Variants in OR10K1 observed in about 807,000 individuals in gnomAD.
OR10K1 encodes the protein olfactory receptor family 10 subfamily K member 1, also known as olfactory receptor 10K1.
For missense variants in OR10K1, 404 were observed against 373.3 expected (o/e 1.08, Z -0.68); for synonymous variants, 186 against 152.5 (o/e 1.22, Z -1.62).
chr1:158,465,495 T>A lies in OR10K1; in HGVS notation c.-67T>A. 1 of 1,266,364 alleles carries A rather than the reference T, an allele frequency of 7.9e-7. No homozygotes were observed. Among genetic ancestry groups the A allele is most frequent in the Non-Finnish European group, 1.1e-6 (1 of 900,022 alleles). The allele number at this position is 1,266,364 out of a possible 1,614,324, so 78.4% of individuals were successfully genotyped here. A position where few individuals can be genotyped will look rare whatever the true frequency, so the allele number is the denominator to read the frequency against. ...CTTTGTGTGAAATTTCCCGTACATT[T>A]CCACTCTCCTTTCTGGATCCTGGTT... is the stretch of plus-strand genomic sequence containing the variant. On this transcript the variant is annotated 5_prime_UTR_variant, in exon 2 of 2. Transcript: ENST00000641535.
rs1293047738 is a variant in OR10K1, at chr1:158,466,369, C to A, written c.808C>A (p.Gln270Lys). 6.2e-7 allele frequency: 1 copy of A among 1,613,724 alleles called. No individual in the cohort carries two copies. Among genetic ancestry groups the A allele is most frequent in the Non-Finnish European group, 8.5e-7 (1 of 1,179,764 alleles). The change falls in exon 2 of 2, where the codon CAA (glutamine) becomes AAA (lysine). Residue 270 changes from glutamine (Q) to lysine (K), a missense_variant. Gln to Lys is a moderately conservative substitution (Grantham distance 53). Transcript: ENST00000641535. ...LRPKTNYTSS[Q>K]DTLISVSYTI... is the part of the protein sequence containing the mutation. ...GCCCAAGACTAATTACACTTCAAGC[C>A]AAGACACCCTAATATCTGTGTCATA...
rs1421096064 is a variant in OR10K1 at position 158,465,684 on chromosome 1, C to A, written c.123C>A (p.Thr41=). ...TCCTCTACCTGTTCACTCTGGGCAC[C>A]AATGCAATCATCATTTCCACCATTG... ...FLLLYLFTLG[T]NAIIISTIVL... is the part of the protein sequence containing the mutation. The change falls in exon 2 of 2, where the codon ACC becomes ACA. Residue 41 remains threonine (T), a synonymous_variant. Coordinates refer to ENST00000641535, the MANE Select transcript of OR10K1 (RefSeq NM_001004473.2). The A allele has an allele frequency of 1.2e-5, 20 of 1,614,020 alleles. No homozygotes were observed. Among genetic ancestry groups the A allele is most frequent in the African/African-American group, 1.1e-4 (8 of 74,916 alleles).
Position 158,467,418 on chromosome 1 carries a change from T to C in OR10K1, c.*915T>C, listed in dbSNP as rs1437585503. 1 of 152,204 alleles carries C rather than the reference T, an allele frequency of 6.6e-6. No individual in the cohort carries two copies. Among genetic ancestry groups the C allele is most frequent in the Non-Finnish European group, 1.5e-5 (1 of 68,028 alleles). The allele number at this position is 152,204 out of a possible 1,614,324, so 9.4% of individuals were successfully genotyped here. On this transcript the variant is annotated 3_prime_UTR_variant, in exon 2 of 2. Coordinates refer to ENST00000641535, the MANE Select transcript of OR10K1 (RefSeq NM_001004473.2). ...AGTATTATCATTTCTAATTTTGTTA[T>C]TCTCCATTTTCTATATGCCTTTTGT...
Position 158,465,512 on chromosome 1 carries a change from A to C in OR10K1, c.-50A>C. On this transcript the variant is annotated 5_prime_UTR_variant, in exon 2 of 2. Coordinates refer to ENST00000641535, the MANE Select transcript of OR10K1 (RefSeq NM_001004473.2). ...CGTACATTTCCACTCTCCTTTCTGG[A>C]TCCTGGTTTCTACCTCTGTCCCTGA... 7.0e-7 allele frequency: 1 copy of C among 1,431,004 alleles called. No homozygotes were observed. The highest frequency in any genetic ancestry group is 1.9e-5 in the Admixed American group (1 of 52,374). The allele number at this position is 1,431,004 out of a possible 1,614,324, so 88.6% of individuals were successfully genotyped here.
At chr1:158,462,063 T>C (rs925005635) in intron 1 of OR10K1, among the ~76,000 whole-genome samples, 159 bp downstream of exon 1, 11 of 152,062 alleles carry the variant, frequency 7.2e-5, no homozygotes, top group Non-Finnish European at 1.2e-4. Flanking sequence ...GTGAATCACC[T>C]GAGGTCAGGA....
rs747527834 is a variant in OR10K1, at chr1:158,466,067, A to T, written c.506A>T (p.His169Leu). 1 of 1,612,010 alleles carries T rather than the reference A, an allele frequency of 6.2e-7. No individual in the cohort carries two copies. The highest frequency in any genetic ancestry group is 2.2e-5 in the East Asian group (1 of 44,788). The part of the protein sequence containing the change: ...TTSLVFHLPF[H>L]SSNQLHHFFC... The stretch of plus-strand genomic sequence containing the variant: ...TCCCTAGTATTTCATCTGCCCTTCC[A>T]CTCCTCCAACCAGCTCCATCACTTC... The change falls in exon 2 of 2, where the codon CAC becomes CTC. Residue 169 changes from histidine to leucine, a missense_variant. Coordinates refer to ENST00000641535, the MANE Select transcript of OR10K1 (RefSeq NM_001004473.2).
chr1:158,466,399 A>C lies in OR10K1; in HGVS notation c.838A>C (p.Ile280Leu). The C allele has an allele frequency of 6.2e-7, 1 of 1,613,816 alleles. No homozygotes were observed. Among genetic ancestry groups the C allele is most frequent in the Non-Finnish European group, 8.5e-7 (1 of 1,179,768 alleles). ...QDTLISVSYT[I>L]LTPLFNPMIY... ...CACCCTAATATCTGTGTCATACACC[A>C]TCCTTACCCCATTGTTCAATCCAAT... Residue 280 changes from isoleucine (I) to leucine (L), a missense_variant, in exon 2 of 2, where the codon ATC becomes CTC. Coordinates refer to ENST00000641535, the MANE Select transcript of OR10K1 (RefSeq NM_001004473.2).
chr1:158,464,527 A>T (rs536622855), intron 1 of OR10K1, among the ~76,000 whole-genome samples: 89 of 152,310 alleles, frequency 5.8e-4, no homozygotes, highest in African/African-American at 2.0e-3. Flanking sequence ...GGAAAAGTGA[A>T]GTGTGTTACA....
chr1:158,466,278 C>G lies in OR10K1; in HGVS notation c.717C>G (p.Ser239=). 2.5e-6 allele frequency: 4 copies of G among 1,614,162 alleles called. No homozygotes were observed. The highest frequency in any genetic ancestry group is 3.4e-6 in the Non-Finnish European group (4 of 1,180,012). ...PSSVGRYKTF[S]TCASHLIVVT... is the part of the protein sequence containing the mutation. ...CCGTTGGAAGATACAAGACCTTCTC[C>G]ACCTGTGCCTCCCATCTCATTGTGG... The change falls in exon 2 of 2, where the codon TCC becomes TCG. Residue 239 remains serine, a synonymous_variant. Transcript: ENST00000641535.
rs144460232 is a variant in OR10K1, at chr1:158,466,419, T to C, written c.858T>C (p.Asn286=). ...VSYTILTPLF[N]PMIYSLRNKE... is the part of the protein sequence containing the mutation. ...ACACCATCCTTACCCCATTGTTCAA[T>C]CCAATGATTTATAGTCTGAGAAATA... Residue 286 remains asparagine (N), a synonymous_variant, in exon 2 of 2, where the codon AAT becomes AAC. Coordinates refer to ENST00000641535, the MANE Select transcript of OR10K1 (RefSeq NM_001004473.2). 5.0e-6 allele frequency: 8 copies of C among 1,613,928 alleles called. No individual in the cohort carries two copies. The highest frequency in any genetic ancestry group is 6.8e-6 in the Non-Finnish European group (8 of 1,179,876).
chr1:158,462,774 T>C (rs923104139), intron 1 of OR10K1, among the ~76,000 whole-genome samples: 11 of 152,250 alleles, frequency 7.2e-5, no homozygotes, highest in African/African-American at 2.7e-4. Flanking sequence ...TTGCCTTCTT[T>C]TGGGGGAACC....
rs34100477 is a variant in OR10K1, at chr1:158,466,858, C to CAA, written c.*367_*368dup. The CAA allele has an allele frequency of 1.3e-4, 12 of 90,176 alleles. No individual in the cohort carries two copies. The highest frequency in any genetic ancestry group is 2.6e-4 in the Non-Finnish European group (11 of 42,358). 5.6% of individuals were successfully genotyped at this position (90,176 alleles called of 1,614,324 possible). A position where few individuals can be genotyped will look rare whatever the true frequency, so the allele number is the denominator to read the frequency against. On this transcript the variant is annotated 3_prime_UTR_variant, in exon 2 of 2. Coordinates refer to ENST00000641535, the MANE Select transcript of OR10K1 (RefSeq NM_001004473.2). ...TACATCAGGAAAGAAAAGATGTATC[C>CAA]AAAAAAAAAAAAAGAAAGAAAAAAG...
At chr1:158,463,891 TC>T (rs1366265141) in intron 1 of OR10K1, among the ~76,000 whole-genome samples, 3 of 152,190 alleles carry the variant, frequency 2.0e-5, no homozygotes, top group African/African-American at 7.2e-5. Context: ...AATAGTAATA[TC>T]TTTATAGTTA....
At chr1:158,463,860 A>G (rs756205007) in intron 1 of OR10K1, among the ~76,000 whole-genome samples, 58 of 152,200 alleles carry the variant, frequency 3.8e-4, no homozygotes, top group Non-Finnish European at 7.4e-5. Flanking sequence ...CATTGTGTTT[A>G]CTTTTTCTAT....
At chr1:158,463,241 G>A (rs1200196433) in intron 1 of OR10K1, among the ~76,000 whole-genome samples, 2 of 152,096 alleles carry the variant, frequency 1.3e-5, no homozygotes, top group Non-Finnish European at 2.9e-5. Flanking sequence ...TTTACAGCTT[G>A]AACGTATTTT....
Position 158,466,400 on chromosome 1 carries a change from TC to T in OR10K1, c.841del (p.Thr282ProfsTer7). The stretch of plus-strand genomic sequence containing the variant: ...ACCCTAATATCTGTGTCATACACCA[TC>T]CTTACCCCATTGTTCAATCCAATGA... ...QDTLISVSYT[I>X]LTPLFNPMIY... is the part of the protein sequence containing the mutation. On this transcript the variant is annotated frameshift_variant, in exon 2 of 2. Transcript: ENST00000641535. LOFTEE classifies it low-confidence loss of function (END_TRUNC). 6.2e-7 allele frequency: 1 copy of T among 1,613,808 alleles called. No homozygotes were observed. The highest frequency in any genetic ancestry group is 8.5e-7 in the Non-Finnish European group (1 of 1,179,786).
At position 158,466,482 on chromosome 1, in the gene OR10K1, A is replaced by G. The variant is rs1656046342; in HGVS notation, c.921A>G (p.Gln307=). 6.2e-7 allele frequency: 1 copy of G among 1,613,190 alleles called. No individual in the cohort carries two copies. Among genetic ancestry groups the G allele is most frequent in the African/African-American group, 1.3e-5 (1 of 74,864 alleles). ...CAGCCCTACGAAGAACAATCGGCCAAACTTTCTATCCTCTTAGTTAAAGAG... is the reference window on the plus strand; with the variant it reads ...CAGCCCTACGAAGAACAATCGGCCAGACTTTCTATCCTCTTAGTTAAAGAG... The part of the protein sequence containing the change: ...FKSALRRTIG[Q]TFYPLS Residue 307 remains glutamine, a synonymous_variant, in exon 2 of 2, where the codon CAA becomes CAG. Coordinates refer to ENST00000641535, the MANE Select transcript of OR10K1 (RefSeq NM_001004473.2).
chr1:158,465,756 C>A lies in OR10K1; in HGVS notation c.195C>A (p.Ile65=). The A allele has an allele frequency of 6.2e-7, 1 of 1,614,206 alleles. No homozygotes were observed. Among genetic ancestry groups the A allele is most frequent in the South Asian group, 1.1e-5 (1 of 91,080 alleles). The change falls in exon 2 of 2, where the codon ATC becomes ATA. Residue 65 remains isoleucine (I), a synonymous_variant. Transcript: ENST00000641535. ...CTCCCATGTACTTCTTCCTTGCCAT[C>A]CTTTCTTGCTCTGAGATTTGCTATA... ...LHTPMYFFLA[I]LSCSEICYTF...
Position 158,465,565 on chromosome 1 carries a change from G to A in OR10K1, c.4G>A (p.Glu2Lys). The change falls in exon 2 of 2, where the codon GAG becomes AAG. Residue 2 changes from glutamate (E) to lysine (K), a missense_variant. Physicochemically the swap from Glu to Lys is moderately conservative, Grantham distance 56. Coordinates refer to ENST00000641535, the MANE Select transcript of OR10K1 (RefSeq NM_001004473.2). ...CTCCTTTATAGAAGTGCTCTCCATG[G>A]AGCAAGTCAATAAGACTGTGGTGAG... is the stretch of plus-strand genomic sequence containing the variant. MEQVNKTVVREF... is the reference protein window; with the variant it reads MKQVNKTVVREF... The A allele has an allele frequency of 6.2e-7, 1 of 1,613,254 alleles. No individual in the cohort carries two copies. Among genetic ancestry groups the A allele is most frequent in the East Asian group, 2.2e-5 (1 of 44,854 alleles).
Sources: gnomAD v4.1 joint callset for allele counts (sites outside exome capture counted in the v4.1 genomes callset) on GRCh38, gnomAD v4.1.1 for gene constraint, MANE v1.5 for transcripts, NCBI Gene and HGNC (gene_info 2026-07-23, HGNC 2026-07-21) for gene names.